Variants in RBM25 observed in about 807,000 individuals in gnomAD.
RBM25 encodes the protein RNA-binding protein 25.
RBM25 carries 19 observed loss-of-function variants against 120.7 expected under a neutral mutation model. The ratio of observed to expected loss-of-function variants is 0.16; its 90% CI spans 0.11 to 0.23. The LOEUF is 0.23. Among genes scored for constraint, RBM25 ranks in the 10% least tolerant of loss-of-function variants. The probability of loss-of-function intolerance (pLI) is 1.00; values close to 1 mark genes in which losing one functional copy is unlikely to be tolerated. For synonymous variants in RBM25, 390 were observed against 326.7 expected, an observed-to-expected ratio of 1.19 and a Z score of -2.09; for missense variants, 605 against 1,041.5, an observed-to-expected ratio of 0.58 and a Z score of 5.77.
Position 73,111,730 on chromosome 14 carries a change from T to G in RBM25, c.2220T>G (p.Ser740Arg), listed in dbSNP as rs1436673292. 6.2e-7 allele frequency: 1 copy of G among 1,613,692 alleles called. No homozygotes were observed. Among genetic ancestry groups the G allele is most frequent in the African/African-American group, 1.3e-5 (1 of 74,830 alleles). ...AAGAAAAGCGTAAACACATTAAGAG[T>G]CTCATTGAGAAAATCCCTACAGCCA... ...NTEEKRKHIK[S>R]LIEKIPTAKP... The change falls in exon 16 of 19, where the codon AGT becomes AGG. Residue 740 changes from serine (S) to arginine (R), a missense_variant. This residue lies in a region of RBM25 where 465 missense variants were observed against 741.6 expected (regional missense o/e 0.63). Coordinates refer to ENST00000261973, the MANE Select transcript of RBM25 (RefSeq NM_021239.3).
In RBM25 at chr14:73,091,710, A is replaced by G. The variant is rs1300086729; in HGVS notation, c.543+3549A>G. 4.7e-5 allele frequency among the ~76,000 whole-genome samples: 5 copies of G among 106,864 alleles called. No individual in the cohort carries two copies. In the South Asian group the frequency reaches 1.5e-3, roughly 31 times the overall value. The allele number at this position is 106,864 out of a possible 152,430, so 70.1% of individuals were successfully genotyped here. A position where few individuals can be genotyped will look rare whatever the true frequency, so the allele number is the denominator to read the frequency against. On this transcript the variant is annotated intron_variant, in intron 6 of 18. Transcript: ENST00000261973. Reference sequence around the variant, plus strand: ...AACATGGTGGAACTCCATCTCTACTAAAAAAAAAATACAAAAATTAGCCGG... The same window carrying G: ...AACATGGTGGAACTCCATCTCTACTGAAAAAAAAATACAAAAATTAGCCGG...
rs562963987 is a variant in RBM25 at position 73,060,325 on chromosome 14, G to C, written c.-16+1620G>C. 2.6e-5 allele frequency among the ~76,000 whole-genome samples: 4 copies of C among 151,598 alleles called. 1 individual carries two copies. Among genetic ancestry groups the C allele is most frequent in the African/African-American group, 9.6e-5 (4 of 41,480 alleles). ...GCTGGGATTACAGGCGTGAGCCACCGTGCCCGGCCTTCTGAATGTATTTTT... is the reference window on the plus strand; with the variant it reads ...GCTGGGATTACAGGCGTGAGCCACCCTGCCCGGCCTTCTGAATGTATTTTT... On this transcript the variant is annotated intron_variant, in intron 1 of 18. Transcript: ENST00000261973.
At chr14:73,107,977 A>G in intron 13 of RBM25, 78 bp downstream of exon 13, 2 of 927,580 alleles carry the variant, frequency 2.2e-6, no homozygotes, top group Non-Finnish European at 3.4e-6. Flanking sequence ...TTGATAATGC[A>G]TGTTCACTAA....
chr14:73,100,490 A>G, intron 9 of RBM25: 1 of 494,390 alleles, frequency 2.0e-6, no homozygotes. Context: ...TGCCTATTTG[A>G]AGCTTCTCTC....
intron 14 of RBM25, 150 bp from the exon 15 acceptor site, chr14:73,110,681 G>A (rs780081783): frequency 5.2e-5 from 44 of 848,852 alleles, no homozygotes; most frequent in Admixed American, 1.5e-4. Context: ...TGCCCACCGC[G>A]GCCTCCCAAA....
intron 1 of RBM25, among the ~76,000 whole-genome samples, chr14:73,063,647 C>T (rs1347199808): frequency 6.6e-6 from 1 of 151,306 alleles, no homozygotes; most frequent in Non-Finnish European, 1.5e-5. Flanking sequence ...GATCCAACAA[C>T]TTGATAGCAC....
In RBM25 at chr14:73,119,888, A is replaced by C; in HGVS notation, c.*83A>C. The C allele has an allele frequency of 1.3e-6, 2 of 1,513,504 alleles. No individual in the cohort carries two copies. The highest frequency in any genetic ancestry group is 1.8e-6 in the Non-Finnish European group (2 of 1,142,204). 93.8% of individuals were successfully genotyped at this position (1,513,504 alleles called of 1,614,324 possible). ...TTTGAATTTTTCTTTGTCTTTGAAG[A>C]CATTGTGAGATCTGTAATTTTTTTT... On this transcript the variant is annotated 3_prime_UTR_variant, in exon 19 of 19. Coordinates refer to ENST00000261973, the MANE Select transcript of RBM25 (RefSeq NM_021239.3).
intron 1 of RBM25, among the ~76,000 whole-genome samples, chr14:73,068,821 A>C (rs1594896926): frequency 6.6e-6 from 1 of 151,548 alleles, no homozygotes; most frequent in Non-Finnish European, 1.5e-5. Context: ...TGATCCACCC[A>C]CCTCGGCCTC....
At chr14:73,114,760 G>A (rs1377656724) in intron 18 of RBM25, among the ~76,000 whole-genome samples, 2 of 152,122 alleles carry the variant, frequency 1.3e-5, no homozygotes, top group East Asian at 1.9e-4. Flanking sequence ...TGTGCGTGGT[G>A]GCGTGTGCCT....
intron 3 of RBM25, 138 bp from the exon 4 acceptor site, chr14:73,077,231 C>A: frequency 1.5e-6 from 1 of 658,644 alleles, no homozygotes; most frequent in Non-Finnish European, 2.4e-6. Flanking sequence ...ACTTTAGGAG[C>A]TTTAGAAGTA....
At chr14:73,112,736 C>G (rs1896337615) in intron 17 of RBM25, among the ~76,000 whole-genome samples, 2 of 152,204 alleles carry the variant, frequency 1.3e-5, no homozygotes, top group Admixed American at 1.3e-4. Flanking sequence ...TATTGACTGA[C>G]AGGCTGTGTT....
intron 6 of RBM25, among the ~76,000 whole-genome samples, chr14:73,095,025 T>C (rs1015294931): frequency 6.6e-6 from 1 of 151,596 alleles, no homozygotes; most frequent in Non-Finnish European, 1.5e-5. Context: ...CCCAGCTAAT[T>C]TTTTGTATTT....
chr14:73,108,960 TCTCA>T (rs1896247859), intron 13 of RBM25, among the ~76,000 whole-genome samples: 1 of 152,202 alleles, frequency 6.6e-6, no homozygotes, highest in East Asian at 1.9e-4. Flanking sequence ...GATACAGAAC[TCTCA>T]GTGCTACTAA....
At position 73,103,454 on chromosome 14, in the gene RBM25, G is replaced by T; in HGVS notation, c.1130G>T (p.Arg377Leu). ...CGGGATAGAGAAAGGAGCTCAGATC[G>T]TAATAAGGATCGCAGTCGATCAAGG... ...RDRDRERSSD[R>L]NKDRSRSREK... The change falls in exon 10 of 19, where the codon CGT (arginine) becomes CTT (leucine). Residue 377 changes from arginine to leucine, a missense_variant. This residue lies in a region of RBM25 where 465 missense variants were observed against 741.6 expected (regional missense o/e 0.63). Coordinates refer to ENST00000261973, the MANE Select transcript of RBM25 (RefSeq NM_021239.3). The T allele has an allele frequency of 6.2e-7, 1 of 1,602,612 alleles. No individual in the cohort carries two copies. The highest frequency in any genetic ancestry group is 8.5e-7 in the Non-Finnish European group (1 of 1,175,808).
rs71112704 is a variant in RBM25 at position 73,117,210 on chromosome 14, C to CTTTTTTTTTTTTTTTTTTTTTTTTTTT, written c.2440-2495_2440-2469dup. Reference sequence around the variant, plus strand: ...TTTCTTTTAATTTCTTTCTTCTTTTCTTTTTTTTTTTTTTTTTTTTTTTTT... The same window carrying CTTTTTTTTTTTTTTTTTTTTTTTTTTT: ...TTTCTTTTAATTTCTTTCTTCTTTTCTTTTTTTTTTTTTTTTTTTTTTTTTTTTTTTTTTTTTTTTTTTTTTTTTTTT... On this transcript the variant is annotated intron_variant, in intron 18 of 18. Transcript: ENST00000261973. Among the ~76,000 whole-genome samples, 34 of 49,430 alleles carry CTTTTTTTTTTTTTTTTTTTTTTTTTTT rather than the reference C, an allele frequency of 6.9e-4. 7 individuals carry two copies. The highest frequency in any genetic ancestry group is 9.9e-4 in the Non-Finnish European group (27 of 27,338). 32.4% of individuals were successfully genotyped at this position (49,430 alleles called of 152,430 possible).
intron 14 of RBM25, 133 bp from the exon 15 acceptor site, chr14:73,110,698 G>A (rs1290033846): frequency 3.6e-6 from 4 of 1,107,666 alleles, no homozygotes; most frequent in Non-Finnish European, 5.0e-6. Flanking sequence ...CAAAGTGCTG[G>A]GATTACAGGC....
chr14:73,111,904 C>A, intron 16 of RBM25, 102 bp downstream of exon 16: 2 of 1,349,606 alleles, frequency 1.5e-6, no homozygotes, highest in Non-Finnish European at 2.0e-6. Context: ...CTATTAATGA[C>A]AAATAAGTAG....
intron 1 of RBM25, among the ~76,000 whole-genome samples, chr14:73,067,606 T>A (rs1332942241): frequency 3.5e-5 from 5 of 143,476 alleles, no homozygotes; most frequent in South Asian, 4.4e-4. Flanking sequence ...TTGCCTGTAT[T>A]TTTTTTTTTT....
Position 73,122,577 on chromosome 14 carries a change from A to C in RBM25, c.*2772A>C, listed in dbSNP as rs543404166. ...AGGCGTGAGCCACCTTGCCTGGCCA[A>C]AGCGTGAACATCTTAAGAACCAGTC... On this transcript the variant is annotated 3_prime_UTR_variant, in exon 19 of 19. Transcript: ENST00000261973. 4.6e-5 allele frequency: 7 copies of C among 152,174 alleles called. No homozygotes were observed. The highest frequency in any genetic ancestry group is 5.9e-5 in the Non-Finnish European group (4 of 68,028). The allele number at this position is 152,174 out of a possible 1,614,324, so 9.4% of individuals were successfully genotyped here.
Sources: gnomAD v4.1 joint callset for allele counts (sites outside exome capture counted in the v4.1 genomes callset) on GRCh38, gnomAD v4.1.1 for gene constraint, gnomAD v4.1.1 regional missense constraint, MANE v1.5 for transcripts, NCBI Gene and HGNC (gene_info 2026-07-23, HGNC 2026-07-21) for gene names.